The following DNAH8 variants were observed in gnomAD, a reference collection of about 807,000 sequenced individuals.
DNAH8 encodes dynein axonemal heavy chain 8.
In DNAH8, 382 loss-of-function variants were observed where a neutral mutation model predicts 562.1. That is an observed-to-expected ratio of 0.68 (90% CI 0.63 to 0.74). The LOEUF is 0.74. DNAH8 is among the 30% of genes least tolerant of loss of function. The probability of loss-of-function intolerance (pLI) is 0.00; values close to 1 mark genes in which losing one functional copy is unlikely to be tolerated. For synonymous variants in DNAH8, 1,881 were observed against 1,919.4 expected (o/e 0.98, Z 0.52); for missense variants, 5,203 against 5,620.4 (o/e 0.93, Z 2.37).
chr6:38,884,692 A>C (rs1778783883), intron 56 of DNAH8, among the ~76,000 whole-genome samples: 1 of 152,140 alleles, frequency 6.6e-6, no homozygotes, highest in South Asian at 2.1e-4. Context: ...GCAGGGTTAC[A>C]TCCTTGCTCT....
chr6:38,926,036 T>C lies in DNAH8; in HGVS notation c.10963-19T>C. The stretch of plus-strand genomic sequence containing the variant: ...TCCTGTTCTCCTTTGAATGGTGATA[T>C]CCATTTCCTGTTGTTCAGATTGGTG... On this transcript the variant is annotated intron_variant, in intron 73 of 92. Coordinates refer to ENST00000327475, the MANE Select transcript of DNAH8 (RefSeq NM_001206927.2). 1 of 1,608,934 alleles carries C rather than the reference T, an allele frequency of 6.2e-7. No homozygotes were observed. Among genetic ancestry groups the C allele is most frequent in the Non-Finnish European group, 8.5e-7 (1 of 1,177,090 alleles).
chr6:38,900,123 G>A (rs1390197916), intron 62 of DNAH8, among the ~76,000 whole-genome samples: 1 of 152,164 alleles, frequency 6.6e-6, no homozygotes, highest in African/African-American at 2.4e-5. Flanking sequence ...TATCCCAGAA[G>A]TGCCTCCATG....
intron 10 of DNAH8, among the ~76,000 whole-genome samples, chr6:38,761,279 G>C: frequency 1.1e-5 from 1 of 90,396 alleles, no homozygotes; most frequent in South Asian, 4.1e-4. Context: ...CCCCACAACA[G>C]TCCCCAGAGT....
In DNAH8 at chr6:38,842,267, G is replaced by A. The variant is rs6921238; in HGVS notation, c.4467-101G>A. ...TTGGTATCTATAAGACATTGTACAC[G>A]CAATGTATGAAATATTTGATTGGAT... On this transcript the variant is annotated intron_variant, in intron 33 of 92. Transcript: ENST00000327475. 0.15 allele frequency: 134,753 copies of A among 899,666 alleles called. 11,087 individuals carry two copies. Among genetic ancestry groups the A allele is most frequent in the East Asian group, 0.32 (12,981 of 40,270 alleles). 55.7% of individuals were successfully genotyped at this position (899,666 alleles called of 1,614,324 possible).
At chr6:38,862,192 C>T (rs1489947671) in intron 43 of DNAH8, 88 bp from the exon 44 acceptor site, 14 of 1,165,012 alleles carry the variant, frequency 1.2e-5, no homozygotes, top group Non-Finnish European at 1.7e-5. Context: ...ATAAATAGGC[C>T]CATTCCAATC....
intron 62 of DNAH8, among the ~76,000 whole-genome samples, chr6:38,900,863 C>T (rs892173051): frequency 6.6e-6 from 1 of 152,116 alleles, no homozygotes; most frequent in Admixed American, 6.5e-5. Flanking sequence ...GTGATCAACC[C>T]GCGTCGGCCT....
At position 38,896,094 on chromosome 6, in the gene DNAH8, A is replaced by G. The variant is rs1299107318; in HGVS notation, c.8809A>G (p.Asn2937Asp). 2.5e-6 allele frequency: 4 copies of G among 1,613,994 alleles called. No homozygotes were observed. In the African/African-American group the frequency reaches 5.3e-5, roughly 22 times the overall value. The change falls in exon 60 of 93, where the codon AAT becomes GAT. Residue 2937 changes from asparagine (N) to aspartate (D), a missense_variant. Transcript: ENST00000327475. Reference sequence around the variant, plus strand: ...ACATCTTACTCGTGCAGTTGAAGAAAATATTGGCTCTGATGCAGCGTCGTG... The same window carrying G: ...ACATCTTACTCGTGCAGTTGAAGAAGATATTGGCTCTGATGCAGCGTCGTG... ...NAHLTRAVEE[N>D]IGSDAASCIL...
At chr6:38,734,344 T>A in intron 4 of DNAH8, 130 bp from the exon 5 acceptor site, 2 of 744,922 alleles carry the variant, frequency 2.7e-6, no homozygotes, top group Non-Finnish European at 3.5e-6. Flanking sequence ...CCAAAAAAAT[T>A]ATTCTATGAC....
rs142866955 is a variant in DNAH8, at chr6:38,763,422, C to T, written c.1617+1619C>T. The T allele has an allele frequency of 4.7e-4, 145 of 310,102 alleles. 1 individual carries two copies. Among genetic ancestry groups the T allele is most frequent in the African/African-American group, 3.1e-3 (138 of 45,076 alleles). The allele number at this position is 310,102 out of a possible 1,614,324, so 19.2% of individuals were successfully genotyped here. ...ACAAGAGAGGGATTGAAAAGAAGAA[C>T]AGAGCAACAAGAGCTCAAAGAAAGA... On this transcript the variant is annotated intron_variant, in intron 11 of 92. Transcript: ENST00000327475.
intron 36 of DNAH8, among the ~76,000 whole-genome samples, chr6:38,846,466 G>A (rs1486503590): frequency 6.6e-6 from 1 of 152,176 alleles, no homozygotes; most frequent in Non-Finnish European, 1.5e-5. Context: ...ACACACCTAA[G>A]AAATAGCTAA....
rs936357341 is a variant in DNAH8, at chr6:38,782,734, C to T, written c.2260-270C>T. ...GGGATCAGAAAAGGAGGTAGAGACACTGAATGCCTGGGGCAGGCTGTGGGG... is the reference window on the plus strand; with the variant it reads ...GGGATCAGAAAAGGAGGTAGAGACATTGAATGCCTGGGGCAGGCTGTGGGG... On this transcript the variant is annotated intron_variant, in intron 16 of 92. Transcript: ENST00000327475. 3.3e-5 allele frequency among the ~76,000 whole-genome samples: 5 copies of T among 152,194 alleles called. No individual in the cohort carries two copies. In the East Asian group the frequency reaches 9.6e-4, roughly 29 times the overall value.
intron 8 of DNAH8, among the ~76,000 whole-genome samples, chr6:38,745,593 T>C (rs751100684): frequency 1.1e-4 from 17 of 152,224 alleles, no homozygotes; most frequent in Non-Finnish European, 4.4e-5. Flanking sequence ...TACGATACTA[T>C]TAATGATGCT....
chr6:38,792,058 C>A (rs1769804240), intron 21 of DNAH8, among the ~76,000 whole-genome samples: 1 of 152,106 alleles, frequency 6.6e-6, no homozygotes, highest in African/African-American at 2.4e-5. Flanking sequence ...CCCTTCATTT[C>A]CTATATCCAG....
At position 39,009,439 on chromosome 6, in the gene DNAH8, T is replaced by C. The variant is rs552072353; in HGVS notation, c.13371+469T>C. 1.1e-3 allele frequency among the ~76,000 whole-genome samples: 160 copies of C among 152,204 alleles called. 1 individual carries two copies. The highest frequency in any genetic ancestry group is 1.7e-3 in the Non-Finnish European group (117 of 68,040). On this transcript the variant is annotated intron_variant, in intron 89 of 92. Transcript: ENST00000327475. Reference sequence around the variant, plus strand: ...TATTCCATTGATTTTTAATCACTTCTGAAACTCATTGAATAGGGTAGAACA... The same window carrying C: ...TATTCCATTGATTTTTAATCACTTCCGAAACTCATTGAATAGGGTAGAACA...
At chr6:38,958,866 C>A (rs1329538255) in intron 82 of DNAH8, among the ~76,000 whole-genome samples, 1 of 152,078 alleles carries the variant, frequency 6.6e-6, no homozygotes, top group Non-Finnish European at 1.5e-5. Flanking sequence ...GCTGATATCC[C>A]TGATGAACAT....
chr6:38,938,722 G>A (rs1783183691), intron 78 of DNAH8, 76 bp from the exon 79 acceptor site: 1 of 999,150 alleles, frequency 1.0e-6, no homozygotes, highest in Non-Finnish European at 1.5e-6. Context: ...AAACCTTCAT[G>A]TGTACCCCTG....
Position 38,918,003 on chromosome 6 carries a change from C to T in DNAH8, c.10387C>T (p.Leu3463=), listed in dbSNP as rs374396792. The T allele has an allele frequency of 2.5e-6, 4 of 1,613,766 alleles. No homozygotes were observed. The highest frequency in any genetic ancestry group is 3.4e-6 in the Non-Finnish European group (4 of 1,179,796). The change falls in exon 70 of 93, where the codon CTA becomes TTA. Residue 3463 remains leucine, a synonymous_variant. Transcript: ENST00000327475. ...TATAAATGAAGAGACTGTTGAGTTA[C>T]TACAGCCATATTTTAATATGGATGA... The part of the protein sequence containing the change: ...DTINEETVEL[L]QPYFNMDDYT...
At chr6:38,916,271 A>C (rs573278707) in intron 68 of DNAH8, among the ~76,000 whole-genome samples, 1 of 152,128 alleles carries the variant, frequency 6.6e-6, no homozygotes, top group Admixed American at 6.6e-5. Context: ...TTACCTTTAA[A>C]CGTGCCTCCA....
Position 38,715,958 on chromosome 6 carries a change from A to ATTTTT in DNAH8, c.-35+544_-35+545insTTTTT, listed in dbSNP as rs1454056787. On this transcript the variant is annotated intron_variant, in intron 1 of 92. Coordinates refer to ENST00000327475, the MANE Select transcript of DNAH8 (RefSeq NM_001206927.2). ...TATATATATATATATATATATATAT[A>ATTTTT]TATTTTTTTTTTTTTTTTGAGACGG... Among the ~76,000 whole-genome samples the ATTTTT allele has an allele frequency of 7.1e-4, 22 of 31,044 alleles. No homozygotes were observed. The East Asian group carries it at 7.4e-3, about 10-fold the overall frequency. The allele number at this position is 31,044 out of a possible 152,430, so 20.4% of individuals were successfully genotyped here.
Sources: gnomAD v4.1 joint callset for allele counts (sites outside exome capture counted in the v4.1 genomes callset) on GRCh38, gnomAD v4.1.1 for gene constraint, MANE v1.5 for transcripts, NCBI Gene and HGNC (gene_info 2026-07-23, HGNC 2026-07-21) for gene names.